TIMM44: variants seen among roughly 807,000 people sequenced by gnomAD.
TIMM44 encodes mitochondrial import inner membrane translocase subunit TIM44.
A neutral mutation model predicts 63.8 loss-of-function variants in TIMM44; 37 were observed. That is an observed-to-expected ratio of 0.58 (90% confidence interval 0.45 to 0.76). The LOEUF (loss-of-function observed/expected upper bound fraction) is 0.76, where lower values mean the gene tolerates loss of function less well. Ranked by LOEUF, TIMM44 falls within the 30% of genes least tolerant of loss-of-function variation. The pLI is 0.00. For synonymous variants in TIMM44, 239 were observed against 245.1 expected, an observed-to-expected ratio of 0.98 and a Z score of 0.23; for missense variants, 573 against 603.8, an observed-to-expected ratio of 0.95 and a Z score of 0.54.
In TIMM44 at chr19:7,933,659, C is replaced by A; in HGVS notation, c.684-89G>T. On this transcript the variant is annotated intron_variant, in intron 6 of 12. Transcript: ENST00000270538. The surrounding 1 kb of genome is among the most constrained non-coding windows in gnomAD (Gnocchi z 4.3). ...GCTGCAGGCAGGGGGCAGTACAGGA[C>A]AGCAGGCAGCTGAGACCTCAAACCT... 1.5e-6 allele frequency: 2 copies of A among 1,346,436 alleles called. No homozygotes were observed. Among genetic ancestry groups the A allele is most frequent in the Non-Finnish European group, 1.1e-6 (1 of 939,964 alleles). 83.4% of individuals were successfully genotyped at this position (1,346,436 alleles called of 1,614,324 possible).
chr19:7,935,321 T>C (rs755952395), intron 3 of TIMM44, 176 bp from the exon 4 acceptor site: 27 of 615,556 alleles, frequency 4.4e-5, no homozygotes, highest in Non-Finnish European at 7.1e-5. Context: ...CCCACCACCA[T>C]GCCTGGCTAA....
intron 12 of TIMM44, 145 bp from the exon 13 acceptor site, chr19:7,927,451 A>G: frequency 2.7e-6 from 3 of 1,122,096 alleles, no homozygotes; most frequent in Non-Finnish European, 4.0e-6. Context: ...GCCTAGACTC[A>G]GGAACCACTC....
At chr19:7,930,402 G>A (rs34629355) in intron 10 of TIMM44, among the ~76,000 whole-genome samples, 16,050 of 148,426 alleles carry the variant, frequency 0.11, 1,111 homozygotes, top group African/African-American at 0.21. Flanking sequence ...TCCACCTCCC[G>A]GATTTAAGCA....
chr19:7,938,827 A>G (rs1984225939), intron 2 of TIMM44, among the ~76,000 whole-genome samples: 1 of 152,162 alleles, frequency 6.6e-6, no homozygotes, highest in South Asian at 2.1e-4. Flanking sequence ...AAATAAAATA[A>G]TTTAAAAAAC....
Position 7,933,412 on chromosome 19 carries a change from G to T in TIMM44, c.769+73C>A. 1 of 1,363,556 alleles carries T rather than the reference G, an allele frequency of 7.3e-7. No individual in the cohort carries two copies. The allele number at this position is 1,363,556 out of a possible 1,614,324, so 84.5% of individuals were successfully genotyped here. On this transcript the variant is annotated intron_variant, in intron 7 of 12. Transcript: ENST00000270538. This position sits in a 1 kb window ranked among gnomAD's most constrained non-coding sequence, Gnocchi z 4.3. ...AAAACGGGGCTGTCTTGTGCCCAAT[G>T]CAGGGGGATCACCTTGCGGTCCACC...
In TIMM44 at chr19:7,927,603, G is replaced by T. The variant is rs1336635428; in HGVS notation, c.1239+54C>A. Reference sequence around the variant, plus strand: ...GGTCTCTGCCAGGTGGCCACACACAGATCTTGGGGACAGGCGGTGTCATGT... The same window carrying T: ...GGTCTCTGCCAGGTGGCCACACACATATCTTGGGGACAGGCGGTGTCATGT... On this transcript the variant is annotated intron_variant, in intron 12 of 12. Transcript: ENST00000270538. The T allele has an allele frequency of 5.2e-6, 8 of 1,549,484 alleles. No homozygotes were observed. The African/African-American group carries it at 1.1e-4, about 21-fold the overall frequency.
chr19:7,943,581 C>T lies in TIMM44; in HGVS notation c.45+26G>A. On this transcript the variant is annotated intron_variant, in intron 1 of 12. Coordinates refer to ENST00000270538, the MANE Select transcript of TIMM44 (RefSeq NM_006351.4). The surrounding 1 kb of genome is among the most constrained non-coding windows in gnomAD (Gnocchi z 4.3). ...AGGCCCAGAAGACCCCTAAGCTCGC[C>T]CTGCCAGCGCCGCACCGCCGCTCAC... The T allele has an allele frequency of 4.5e-6, 7 of 1,563,764 alleles. No individual in the cohort carries two copies. The highest frequency in any genetic ancestry group is 6.0e-6 in the Non-Finnish European group (7 of 1,161,032).
chr19:7,931,455 CT>C (rs906469680), intron 9 of TIMM44: 14 of 497,302 alleles, frequency 2.8e-5, no homozygotes, highest in African/African-American at 1.4e-4. Context: ...GGGGACCCCC[CT>C]GGAACCTGGT....
intron 8 of TIMM44, 43 bp from the exon 9 acceptor site, chr19:7,932,794 C>T: frequency 6.2e-7 from 1 of 1,614,036 alleles, no homozygotes; most frequent in Non-Finnish European, 8.5e-7. Flanking sequence ...AGGCCGGGGA[C>T]CCCGCCCCAC....
At chr19:7,940,458 GGAAA>G (rs1191626317) in intron 2 of TIMM44, among the ~76,000 whole-genome samples, 4 of 152,072 alleles carry the variant, frequency 2.6e-5, no homozygotes, top group African/African-American at 9.7e-5. Flanking sequence ...GACAAGAAAG[GGAAA>G]GAGTCACAGG....
Position 7,933,040 on chromosome 19 carries a change from C to T in TIMM44, c.770-108G>A, listed in dbSNP as rs969034515. ...GACCCCTGCGGGATCCACCCTGACACGGGTGGGGTCAGGGAGGGGACGGCT... is the reference window on the plus strand; with the variant it reads ...GACCCCTGCGGGATCCACCCTGACATGGGTGGGGTCAGGGAGGGGACGGCT... On this transcript the variant is annotated intron_variant, in intron 7 of 12. Transcript: ENST00000270538. The surrounding 1 kb of genome is among the most constrained non-coding windows in gnomAD (Gnocchi z 4.3). The T allele has an allele frequency of 1.9e-5, 17 of 893,514 alleles. No homozygotes were observed. Among genetic ancestry groups the T allele is most frequent in the East Asian group, 1.0e-4 (4 of 38,332 alleles). The allele number at this position is 893,514 out of a possible 1,614,324, so 55.3% of individuals were successfully genotyped here.
At chr19:7,941,253 T>C (rs1984302958) in intron 1 of TIMM44, 56 bp from the exon 2 acceptor site, 10 of 1,375,976 alleles carry the variant, frequency 7.3e-6, no homozygotes, top group East Asian at 2.3e-5. Context: ...GACTGAGAAG[T>C]AAGCAGACCA....
chr19:7,940,450 C>A (rs1481588435), intron 2 of TIMM44, among the ~76,000 whole-genome samples: 2 of 151,924 alleles, frequency 1.3e-5, no homozygotes, highest in Non-Finnish European at 2.9e-5. Flanking sequence ...GGGGACTAGA[C>A]AAGAAAGGGA....
In TIMM44 at chr19:7,943,519, A is replaced by G; in HGVS notation, c.45+88T>C. 6.8e-7 allele frequency: 1 copy of G among 1,460,866 alleles called. No homozygotes were observed. Among genetic ancestry groups the G allele is most frequent in the South Asian group, 1.2e-5 (1 of 82,372 alleles). The allele number at this position is 1,460,866 out of a possible 1,614,324, so 90.5% of individuals were successfully genotyped here. On this transcript the variant is annotated intron_variant, in intron 1 of 12. Transcript: ENST00000270538. This position sits in a 1 kb window ranked among gnomAD's most constrained non-coding sequence, Gnocchi z 4.3. ...CTAAGGAGCCCAAGCAAGGGTCGCGAAGGCCAAGGGTCTGAGAAGAAAGCC... is the reference window on the plus strand; with the variant it reads ...CTAAGGAGCCCAAGCAAGGGTCGCGGAGGCCAAGGGTCTGAGAAGAAAGCC...
In TIMM44 at chr19:7,933,807, G is replaced by T; in HGVS notation, c.683+57C>A. ...GAACCATTGGTGGGCTCCCGAAATG[G>T]ACAGCAGTGAAAGCTGCCCAAAATG... On this transcript the variant is annotated intron_variant, in intron 6 of 12. Transcript: ENST00000270538. This position sits in a 1 kb window ranked among gnomAD's most constrained non-coding sequence, Gnocchi z 4.3. 1 of 1,610,622 alleles carries T rather than the reference G, an allele frequency of 6.2e-7. No homozygotes were observed. The highest frequency in any genetic ancestry group is 8.5e-7 in the Non-Finnish European group (1 of 1,178,882).
At chr19:7,927,404 A>G in intron 12 of TIMM44, 98 bp from the exon 13 acceptor site, 2 of 1,460,008 alleles carry the variant, frequency 1.4e-6, no homozygotes, top group African/African-American at 1.4e-5. Flanking sequence ...GCCACCGGCA[A>G]CTTCCCCAGG....
chr19:7,935,233 T>C (rs1389966834), intron 3 of TIMM44, 88 bp from the exon 4 acceptor site: 3 of 1,188,200 alleles, frequency 2.5e-6, no homozygotes, highest in Non-Finnish European at 3.6e-6. Context: ...TGGCACGCTC[T>C]CGGCTCACTG....
intron 1 of TIMM44, among the ~76,000 whole-genome samples, chr19:7,942,309 C>A (rs1984332454): frequency 2.0e-5 from 3 of 152,012 alleles, no homozygotes; most frequent in Non-Finnish European, 4.4e-5. Context: ...TCTGTGCAGG[C>A]ACTGAGCTGG....
At chr19:7,931,510 C>G (rs866298570) in intron 9 of TIMM44, 219 of 399,928 alleles carry the variant, frequency 5.5e-4, no homozygotes, top group Middle Eastern at 3.2e-3. Context: ...TCAGCCTGGT[C>G]AGGAATCCAA....
Sources: gnomAD v4.1 joint callset for allele counts (sites outside exome capture counted in the v4.1 genomes callset) on GRCh38, gnomAD v4.1.1 for gene constraint, Gnocchi (gnomAD v3.1) non-coding constraint, MANE v1.5 for transcripts, NCBI Gene and HGNC (gene_info 2026-07-23, HGNC 2026-07-21) for gene names.